The following HSPA12A variants were observed in gnomAD, a reference collection of about 807,000 sequenced individuals.
HSPA12A encodes the protein heat shock 70 kDa protein 12A.
In HSPA12A, 28 loss-of-function variants were observed where a neutral mutation model predicts 69.2. The ratio of observed to expected loss-of-function variants is 0.40; its 90% CI spans 0.30 to 0.55. The LOEUF (loss-of-function observed/expected upper bound fraction) is 0.55. HSPA12A is among the 20% of genes least tolerant of loss of function. HSPA12A has a pLI of 0.38. For synonymous variants in HSPA12A, 345 were observed against 370.5 expected (o/e 0.93, Z 0.79); for missense variants, 686 against 900.7 (o/e 0.76, Z 3.05).
chr10:116,791,586 T>C (rs1844700952), intron 2 of HSPA12A, among the ~76,000 whole-genome samples: 1 of 152,196 alleles, frequency 6.6e-6, no homozygotes, highest in Non-Finnish European at 1.5e-5. Context: ...TAGCTACATA[T>C]TATTCATTTC....
intron 3 of HSPA12A, among the ~76,000 whole-genome samples, chr10:116,702,630 C>T (rs1850113147): frequency 6.6e-6 from 1 of 152,196 alleles, no homozygotes; most frequent in Admixed American, 6.5e-5. Context: ...GGCAGCTGCT[C>T]CACACACTGC....
intron 2 of HSPA12A, among the ~76,000 whole-genome samples, chr10:116,706,496 G>A (rs1239944365): frequency 6.6e-6 from 1 of 152,150 alleles, no homozygotes; most frequent in Admixed American, 6.5e-5. Context: ...CAGACAGGCT[G>A]GCATCCCTGC....
chr10:116,775,789 C>G (rs1220671902), intron 2 of HSPA12A, among the ~76,000 whole-genome samples: 7 of 152,166 alleles, frequency 4.6e-5, no homozygotes, highest in African/African-American at 1.4e-4. Flanking sequence ...CTCCCCGAGA[C>G]AGTGACCTGG....
rs745621005 is a variant in HSPA12A at position 116,816,973 on chromosome 10, T to C, written c.91+17962A>G. On this transcript the variant is annotated intron_variant, in intron 2 of 12. Coordinates refer to the HSPA12A transcript ENST00000635765. ...CATCACGATTCAAATCGTTCTTCCT[T>C]CTTATGTATCAACTATGCTGTCGAA... 3.9e-5 allele frequency among the ~76,000 whole-genome samples: 6 copies of C among 152,188 alleles called. No individual in the cohort carries two copies. The East Asian group carries it at 7.7e-4, about 20-fold the overall frequency.
chr10:116,740,386 A>G, intron 1 of HSPA12A, among the ~76,000 whole-genome samples: 1 of 152,192 alleles, frequency 6.6e-6, no homozygotes, highest in East Asian at 1.9e-4. Flanking sequence ...ATGCAATACT[A>G]TTCACATCCT....
At chr10:116,831,427 C>G (rs1014125881) in intron 2 of HSPA12A, 2 of 152,224 alleles carry the variant, frequency 1.3e-5, no homozygotes, top group African/African-American at 2.4e-5. Flanking sequence ...TGGCATGGAG[C>G]ACCCTACCGT....
At chr10:116,759,308 T>C (rs1554889084) in intron 2 of HSPA12A, among the ~76,000 whole-genome samples, 1 of 152,112 alleles carries the variant, frequency 6.6e-6, no homozygotes, top group Non-Finnish European at 1.5e-5. Context: ...CCTCAGGAGG[T>C]CAGCAAAATG....
rs556091284 is a variant in HSPA12A at position 116,798,024 on chromosome 10, G to C, written c.91+36911C>G. Among the ~76,000 whole-genome samples, 11 of 151,196 alleles carry C rather than the reference G, an allele frequency of 7.3e-5. No individual in the cohort carries two copies. The East Asian group carries it at 2.0e-3, about 27-fold the overall frequency. On this transcript the variant is annotated intron_variant, in intron 2 of 12. Transcript: ENST00000635765. ...TGGGAACTTCTGAGTTTCAATGTAA[G>C]AGAAGCTCTTACAAGAACTATTTCT...
chr10:116,693,221 G>T (rs1259288926), intron 5 of HSPA12A, among the ~76,000 whole-genome samples: 2 of 152,194 alleles, frequency 1.3e-5, no homozygotes, highest in Non-Finnish European at 2.9e-5. Context: ...AACAGGAAGG[G>T]AAGGCTATGA....
chr10:116,736,110 T>C (rs1374272065), intron 1 of HSPA12A, among the ~76,000 whole-genome samples: 5 of 152,248 alleles, frequency 3.3e-5, no homozygotes, highest in African/African-American at 1.2e-4. Flanking sequence ...ATAACTTGTT[T>C]AATGCATTGA....
At chr10:116,815,693 C>T (rs1236124650) in intron 2 of HSPA12A, among the ~76,000 whole-genome samples, 1 of 152,190 alleles carries the variant, frequency 6.6e-6, no homozygotes, top group Non-Finnish European at 1.5e-5. Flanking sequence ...AGGGCCCTGA[C>T]TCTGTCATTT....
intron 2 of HSPA12A, among the ~76,000 whole-genome samples, chr10:116,801,759 A>G (rs1334045850): frequency 6.6e-6 from 1 of 152,032 alleles, no homozygotes; most frequent in African/African-American, 2.4e-5. Flanking sequence ...AAAAAAGCGC[A>G]TGTAAAATCT....
At chr10:116,682,437 C>T (rs1363853312) in intron 7 of HSPA12A, among the ~76,000 whole-genome samples, 2 of 150,864 alleles carry the variant, frequency 1.3e-5, no homozygotes, top group Admixed American at 1.3e-4. Flanking sequence ...TCCTAACATG[C>T]ACCCTGGGTA....
intron 2 of HSPA12A, among the ~76,000 whole-genome samples, chr10:116,802,165 G>T (rs1844971277): frequency 6.6e-6 from 1 of 152,174 alleles, no homozygotes; most frequent in Non-Finnish European, 1.5e-5. Context: ...CCGACCAAGT[G>T]TATATGGGGT....
At chr10:116,743,944 G>T (rs1851588064), upstream of HSPA12A, among the ~76,000 whole-genome samples, 1 of 152,188 alleles carries the variant, frequency 6.6e-6, no homozygotes, top group African/African-American at 2.4e-5. Flanking sequence ...TCATAAAACT[G>T]AAGATTAGAT....
At chr10:116,754,027 C>A (rs1843768009) in intron 2 of HSPA12A, among the ~76,000 whole-genome samples, 1 of 152,210 alleles carries the variant, frequency 6.6e-6, no homozygotes, top group Non-Finnish European at 1.5e-5. Flanking sequence ...TCGTAGGCAA[C>A]ATAGTAGAGA....
rs3135423 is a variant in HSPA12A, at chr10:116,742,343, C to A, written c.40+87G>T. The A allele has an allele frequency of 4.6e-6, 6 of 1,302,820 alleles. No homozygotes were observed. The South Asian group carries it at 5.0e-5, about 11-fold the overall frequency. The allele number at this position is 1,302,820 out of a possible 1,614,324, so 80.7% of individuals were successfully genotyped here. A position where few individuals can be genotyped will look rare whatever the true frequency, so the allele number is the denominator to read the frequency against. ...GGCGTCCCCACTTTTCCACGGCGCG[C>A]GAGGGGGTGCGGAGCGTTGGGCCAA... On this transcript the variant is annotated intron_variant, in intron 1 of 11. Coordinates refer to ENST00000369209, the MANE Select transcript of HSPA12A (RefSeq NM_025015.3).
At chr10:116,737,014 C>T (rs1031449139) in intron 1 of HSPA12A, among the ~76,000 whole-genome samples, 2 of 152,140 alleles carry the variant, frequency 1.3e-5, no homozygotes, top group African/African-American at 4.8e-5. Context: ...ACTTCATGCC[C>T]GGCTCTACTC....
rs1034922881 is a variant in HSPA12A at position 116,740,113 on chromosome 10, C to G, written c.40+2317G>C. On this transcript the variant is annotated intron_variant, in intron 1 of 11. Transcript: ENST00000369209. ...TTTATGTCCTTAATAGAGTGGTAAC[C>G]ACTGCACACATGCATAAGGGCTGTA... Among the ~76,000 whole-genome samples, 3 of 152,152 alleles carry G rather than the reference C, an allele frequency of 2.0e-5. No homozygotes were observed. The East Asian group carries it at 5.8e-4, about 29-fold the overall frequency.
Sources: gnomAD v4.1 joint callset for allele counts (sites outside exome capture counted in the v4.1 genomes callset) on GRCh38, gnomAD v4.1.1 for gene constraint, MANE v1.5 for transcripts, NCBI Gene and HGNC (gene_info 2026-07-23, HGNC 2026-07-21) for gene names.